Variants in CD2AP observed in about 807,000 individuals in gnomAD.
CD2AP encodes CD2 associated protein, also known as CD2-associated protein.
CD2AP carries 46 observed loss-of-function variants against 85.1 expected under a neutral mutation model. The observed-to-expected ratio is 0.54, with a 90% CI of 0.43 to 0.69. The LOEUF is 0.69. CD2AP is among the 30% of genes least tolerant of loss of function. The probability of loss-of-function intolerance (pLI) is 0.00; values close to 1 mark genes in which losing one functional copy is unlikely to be tolerated. For missense variants in CD2AP, 769 were observed against 729.5 expected, an observed-to-expected ratio of 1.05 and a Z score of -0.62; for synonymous variants, 255 against 252.9, an observed-to-expected ratio of 1.01 and a Z score of -0.08.
At chr6:47,575,280 C>A (rs1554181233) in intron 6 of CD2AP, among the ~76,000 whole-genome samples, 1 of 152,130 alleles carries the variant, frequency 6.6e-6, no homozygotes, top group Non-Finnish European at 1.5e-5. Flanking sequence ...GTTGGACAAG[C>A]AATTCTTGGC....
rs1468479700 is a variant in CD2AP, at chr6:47,509,511, CTG to C, written c.165+6073_165+6074del. Among the ~76,000 whole-genome samples, 4 of 152,050 alleles carry C rather than the reference CTG, an allele frequency of 2.6e-5. No homozygotes were observed. The South Asian group carries it at 6.2e-4, about 24-fold the overall frequency. ...GCAGTAAAACGAGGTAGGCCTGTAA[CTG>C]TTTTCAGAGGTGAAGTAACTACACT... On this transcript the variant is annotated intron_variant, in intron 2 of 17. Coordinates refer to ENST00000359314, the MANE Select transcript of CD2AP (RefSeq NM_012120.3).
intron 1 of CD2AP, among the ~76,000 whole-genome samples, chr6:47,501,408 G>T: frequency 6.6e-6 from 1 of 152,162 alleles, no homozygotes; most frequent in East Asian, 1.9e-4. Context: ...AGGTTTTTCA[G>T]CTGACCTGAT....
intron 11 of CD2AP, among the ~76,000 whole-genome samples, chr6:47,585,176 G>A (rs1238300411): frequency 7.0e-6 from 1 of 142,926 alleles, no homozygotes; most frequent in Non-Finnish European, 1.6e-5. Context: ...AGCGGCGGGC[G>A]CCTGTAGTCC....
At chr6:47,562,881 G>T (rs1767898755) in intron 5 of CD2AP, 1 of 758,844 alleles carries the variant, frequency 1.3e-6, no homozygotes, top group Non-Finnish European at 2.4e-6. Context: ...AACTGTAGGG[G>T]AATGGGTAGG....
intron 3 of CD2AP, among the ~76,000 whole-genome samples, chr6:47,538,290 G>A (rs1005803747): frequency 2.6e-5 from 4 of 151,886 alleles, no homozygotes; most frequent in East Asian, 1.9e-4. Context: ...TACCCAGGAC[G>A]GAGTACAGTG....
chr6:47,567,471 T>TC (rs1414622980), intron 5 of CD2AP, among the ~76,000 whole-genome samples: 2 of 152,146 alleles, frequency 1.3e-5, no homozygotes, highest in Non-Finnish European at 1.5e-5. Flanking sequence ...AGGCATGATT[T>TC]ACCCCCCTTG....
intron 14 of CD2AP, among the ~76,000 whole-genome samples, chr6:47,607,507 A>C (rs1769308219): frequency 6.6e-6 from 1 of 152,060 alleles, no homozygotes; most frequent in South Asian, 2.1e-4. Context: ...AATTGGGGTG[A>C]GGTAATAACT....
At chr6:47,507,247 C>A (rs547741079) in intron 2 of CD2AP, among the ~76,000 whole-genome samples, 4 of 152,310 alleles carry the variant, frequency 2.6e-5, no homozygotes, top group African/African-American at 9.6e-5. Context: ...CCGTTAACTT[C>A]CCCCACTTAG....
At chr6:47,488,379 T>TA (rs1462051746) in intron 1 of CD2AP, among the ~76,000 whole-genome samples, 1 of 152,178 alleles carries the variant, frequency 6.6e-6, no homozygotes, top group Non-Finnish European at 1.5e-5. Flanking sequence ...ACTGAGTTGT[T>TA]ACATATGTGT....
chr6:47,624,776 T>C lies in CD2AP; in HGVS notation c.*549T>C, dbSNP rs1769867725. On this transcript the variant is annotated 3_prime_UTR_variant, in exon 18 of 18. Transcript: ENST00000359314. Reference sequence around the variant, plus strand: ...CCTCTTACCGAAGGTTACACTGTTGTGCCTGTTTGTCTGCAATGCTGTTTA... The same window carrying C: ...CCTCTTACCGAAGGTTACACTGTTGCGCCTGTTTGTCTGCAATGCTGTTTA... 1 of 151,804 alleles carries C rather than the reference T, an allele frequency of 6.6e-6. No individual in the cohort carries two copies. Among genetic ancestry groups the C allele is most frequent in the South Asian group, 2.1e-4 (1 of 4,808 alleles). 9.4% of individuals were successfully genotyped at this position (151,804 alleles called of 1,614,324 possible). A position where few individuals can be genotyped will look rare whatever the true frequency, so the allele number is the denominator to read the frequency against.
At chr6:47,618,184 G>A (rs1769646837) in intron 17 of CD2AP, among the ~76,000 whole-genome samples, 1 of 152,096 alleles carries the variant, frequency 6.6e-6, no homozygotes, top group South Asian at 2.1e-4. Flanking sequence ...GCTGGGCATG[G>A]TGGTACACAC....
At chr6:47,591,739 A>G (rs1485774757) in intron 11 of CD2AP, among the ~76,000 whole-genome samples, 1 of 152,078 alleles carries the variant, frequency 6.6e-6, no homozygotes, top group Non-Finnish European at 1.5e-5. Context: ...ATAAAAGGAC[A>G]TATTTTGGTT....
chr6:47,602,188 T>C (rs1769158942), intron 13 of CD2AP, among the ~76,000 whole-genome samples: 1 of 152,028 alleles, frequency 6.6e-6, no homozygotes. Context: ...CTGACTTTTG[T>C]ACATGTAAGA....
intron 5 of CD2AP, among the ~76,000 whole-genome samples, chr6:47,556,504 C>T (rs374999629): frequency 2.0e-5 from 3 of 152,136 alleles, no homozygotes; most frequent in Non-Finnish European, 2.9e-5. Context: ...TGTGCCACCA[C>T]GCCCAGCTAA....
chr6:47,559,275 T>TA (rs1767783103), intron 5 of CD2AP, among the ~76,000 whole-genome samples: 1 of 150,742 alleles, frequency 6.6e-6, no homozygotes, highest in Non-Finnish European at 1.5e-5. Flanking sequence ...TTTTTTTTTT[T>TA]AACAGGCAGG....
chr6:47,549,054 C>A (rs1201298171), intron 4 of CD2AP, among the ~76,000 whole-genome samples: 2 of 152,056 alleles, frequency 1.3e-5, no homozygotes, highest in African/African-American at 4.8e-5. Context: ...GGACATACAT[C>A]AGTGTAATAA....
intron 4 of CD2AP, among the ~76,000 whole-genome samples, chr6:47,548,109 A>G (rs1280947450): frequency 2.0e-5 from 3 of 152,116 alleles, no homozygotes; most frequent in Non-Finnish European, 4.4e-5. Context: ...AAAGACTGTG[A>G]AAGAGCACAG....
intron 4 of CD2AP, among the ~76,000 whole-genome samples, chr6:47,550,317 C>T (rs959446282): frequency 1.3e-5 from 2 of 152,096 alleles, no homozygotes; most frequent in African/African-American, 2.4e-5. Context: ...TGACAAAGGA[C>T]TACTATCCAG....
chr6:47,601,644 G>A (rs1769138287), intron 13 of CD2AP, among the ~76,000 whole-genome samples: 1 of 151,950 alleles, frequency 6.6e-6, no homozygotes, highest in African/African-American at 2.4e-5. Context: ...ACGATCATAT[G>A]TTCCTAGTAT....
Sources: allele counts gnomAD v4.1 joint callset (sites outside exome capture counted in the v4.1 genomes callset), GRCh38; gene constraint gnomAD v4.1.1; transcripts MANE v1.5; gene names NCBI Gene and HGNC (gene_info 2026-07-23, HGNC 2026-07-21).